MED26: variants seen among roughly 807,000 people sequenced by gnomAD.
MED26 encodes mediator of RNA polymerase II transcription subunit 26.
In MED26, 7 loss-of-function variants were observed where a neutral mutation model predicts 43.7. The observed-to-expected ratio is 0.16, with a 90% CI of 0.09 to 0.30. The LOEUF is 0.30. Among genes scored for constraint, MED26 ranks in the 10% least tolerant of loss-of-function variants. The probability of loss-of-function intolerance (pLI) is 1.00; values close to 1 mark genes in which losing one functional copy is unlikely to be tolerated. For missense variants in MED26, 784 were observed against 840.6 expected, an observed-to-expected ratio of 0.93 and a Z score of 0.83; for synonymous variants, 375 against 371.1, an observed-to-expected ratio of 1.01 and a Z score of -0.12.
At chr19:16,578,116 G>A (rs1048969081) in intron 2 of MED26, 6 of 579,680 alleles carry the variant, frequency 1.0e-5, no homozygotes, top group Admixed American at 3.3e-5. Context: ...ACGTGCCCAC[G>A]AAGTGTGCTG....
At chr19:16,584,731 T>C (rs902800334) in intron 1 of MED26, among the ~76,000 whole-genome samples, 1 of 152,144 alleles carries the variant, frequency 6.6e-6, no homozygotes, top group African/African-American at 2.4e-5. Context: ...CTAGGGTGAG[T>C]GACAGGAGGG....
At chr19:16,620,803 C>A (rs2086248301) in intron 1 of MED26, among the ~76,000 whole-genome samples, 1 of 152,184 alleles carries the variant, frequency 6.6e-6, no homozygotes, top group Non-Finnish European at 1.5e-5. Context: ...CTCAGAGTTA[C>A]ACTGATGCTG....
At chr19:16,593,959 A>G (rs529779482) in intron 1 of MED26, among the ~76,000 whole-genome samples, 64 of 152,342 alleles carry the variant, frequency 4.2e-4, no homozygotes, top group African/African-American at 1.5e-3. Context: ...GGAAGTTACT[A>G]TGACCACACA....
At chr19:16,592,615 G>A (rs2086103046) in intron 1 of MED26, among the ~76,000 whole-genome samples, 1 of 152,214 alleles carries the variant, frequency 6.6e-6, no homozygotes, top group African/African-American at 2.4e-5. Flanking sequence ...GACATGTGGA[G>A]CCTGTCACCA....
chr19:16,583,990 AG>A (rs2086058495), intron 1 of MED26, among the ~76,000 whole-genome samples: 1 of 152,172 alleles, frequency 6.6e-6, no homozygotes, highest in Non-Finnish European at 1.5e-5. Flanking sequence ...GGGATGCCCC[AG>A]GAACACACGC....
chr19:16,604,221 C>T (rs1450368760), intron 1 of MED26, among the ~76,000 whole-genome samples: 4 of 152,186 alleles, frequency 2.6e-5, no homozygotes, highest in African/African-American at 9.6e-5. Context: ...AGAGTGATTG[C>T]CCTGTGTGCC....
intron 1 of MED26, among the ~76,000 whole-genome samples, chr19:16,591,831 A>G (rs1186566582): frequency 6.6e-6 from 1 of 152,176 alleles, no homozygotes; most frequent in Non-Finnish European, 1.5e-5. Flanking sequence ...GTTTTCTCCT[A>G]TGGGAATTAA....
At chr19:16,627,782 C>T in intron 1 of MED26, 90 bp downstream of exon 1, 1 of 940,682 alleles carries the variant, frequency 1.1e-6, no homozygotes, top group Non-Finnish European at 1.4e-6. Context: ...CAGACGGGTC[C>T]CCCGAAGCCC....
intron 1 of MED26, among the ~76,000 whole-genome samples, chr19:16,581,404 C>T (rs1002983527): frequency 6.6e-6 from 1 of 152,170 alleles, no homozygotes; most frequent in South Asian, 2.1e-4. Flanking sequence ...CACTCCCTGC[C>T]CCAGGCACTC....
chr19:16,597,514 G>C, intron 1 of MED26: 2 of 398,518 alleles, frequency 5.0e-6, no homozygotes, highest in Non-Finnish European at 8.8e-6. Context: ...ATCATGCCTG[G>C]GTGAGCATCA....
rs1370077830 is a variant in MED26 at position 16,586,575 on chromosome 19, C to T, written c.73-8166G>A. 6.6e-6 allele frequency among the ~76,000 whole-genome samples: 1 copy of T among 152,278 alleles called. No individual in the cohort carries two copies. The highest frequency in any genetic ancestry group is 1.5e-5 in the Non-Finnish European group (1 of 68,044). On this transcript the variant is annotated intron_variant, in intron 1 of 2. Transcript: ENST00000263390. The surrounding 1 kb of genome is among the most constrained non-coding windows in gnomAD (Gnocchi z 5.1). ...TTGTCTATGCCTTGTCCCCAGGATG[C>T]CTGAGAGGCAGGACCAGGGTGACCC...
chr19:16,576,843 G>A lies in MED26; in HGVS notation c.987C>T (p.Leu329=), dbSNP rs1186628555. 1 of 1,610,170 alleles carries A rather than the reference G, an allele frequency of 6.2e-7. No individual in the cohort carries two copies. The highest frequency in any genetic ancestry group is 1.1e-5 in the South Asian group (1 of 90,876). The stretch of plus-strand genomic sequence containing the variant: ...GGCTTTCCGCACTGGGCAGCAGCTC[G>A]AGCCGCCGTACGGGGGGTGTGGACG... The part of the protein sequence containing the change: ...AQPSTPPVRR[L]ELLPSAESPV... The change falls in exon 3 of 3, where the codon CTC becomes CTT. Residue 329 remains leucine (L), a synonymous_variant. Coordinates refer to ENST00000263390, the MANE Select transcript of MED26 (RefSeq NM_004831.5). The surrounding 1 kb of genome is among the most constrained non-coding windows in gnomAD (Gnocchi z 6.8).
Position 16,628,109 on chromosome 19 carries a change from G to A in MED26, c.-166C>T. 2.6e-6 allele frequency: 1 copy of A among 384,574 alleles called. No homozygotes were observed. Among genetic ancestry groups the A allele is most frequent in the Non-Finnish European group, 4.6e-6 (1 of 219,316 alleles). 23.8% of individuals were successfully genotyped at this position (384,574 alleles called of 1,614,324 possible). On this transcript the variant is annotated 5_prime_UTR_variant, in exon 1 of 3. Transcript: ENST00000263390. ...TGGCGGAGAGGGGAGCCGGGGCCGG[G>A]TCTCGGTCCCGGGCCGCCGCCGCCA...
At chr19:16,618,341 G>C (rs573475404) in intron 1 of MED26, among the ~76,000 whole-genome samples, 2 of 152,138 alleles carry the variant, frequency 1.3e-5, no homozygotes, top group Admixed American at 6.5e-5. Flanking sequence ...CACCAGGAGA[G>C]ACTGTCAAGA....
chr19:16,584,405 C>CA (rs1429191999), intron 1 of MED26, among the ~76,000 whole-genome samples: 1 of 152,066 alleles, frequency 6.6e-6, no homozygotes, highest in Non-Finnish European at 1.5e-5. Context: ...TGCTAAGCCA[C>CA]AATTCCAGCC....
rs777849156 is a variant in MED26, at chr19:16,576,938, G to A, written c.892C>T (p.Pro298Ser). 13 of 1,595,828 alleles carry A rather than the reference G, an allele frequency of 8.1e-6. No individual in the cohort carries two copies. Among genetic ancestry groups the A allele is most frequent in the Non-Finnish European group, 1.0e-5 (12 of 1,169,524 alleles). ...GCCTGGGGCCGCGGTGAGGGGCTGG[G>A]CACGGAGCCCTTGGGTGCATACAAG... ...QSLYAPKGSV[P>S]SPSPRPQALD... Residue 298 changes from proline to serine, a missense_variant, in exon 3 of 3, where the codon CCC becomes TCC. By Grantham distance (74) the Pro-to-Ser change is moderately conservative (BLOSUM62 -1). Coordinates refer to ENST00000263390, the MANE Select transcript of MED26 (RefSeq NM_004831.5). The surrounding 1 kb of genome is among the most constrained non-coding windows in gnomAD (Gnocchi z 6.8).
chr19:16,582,360 C>CAAAG (rs1282914208), intron 1 of MED26, among the ~76,000 whole-genome samples: 1 of 152,182 alleles, frequency 6.6e-6, no homozygotes, highest in Non-Finnish European at 1.5e-5. Flanking sequence ...GGAATCCCTG[C>CAAAG]AAAGGGCCTG....
intron 1 of MED26, among the ~76,000 whole-genome samples, chr19:16,609,215 A>G (rs60338518): frequency 0.1 from 15,111 of 149,610 alleles, 890 homozygotes; most frequent in African/African-American, 0.15. Flanking sequence ...CTTAGGGGGC[A>G]GCATGAGAAT....
At chr19:16,627,381 C>T (rs2086284156) in intron 1 of MED26, among the ~76,000 whole-genome samples, 1 of 152,206 alleles carries the variant, frequency 6.6e-6, no homozygotes, top group Admixed American at 6.5e-5. Context: ...AAGGTGCTGC[C>T]AGCCGAGAGG....
Sources: gnomAD v4.1 joint callset for allele counts (sites outside exome capture counted in the v4.1 genomes callset) on GRCh38, gnomAD v4.1.1 for gene constraint, Gnocchi (gnomAD v3.1) non-coding constraint, MANE v1.5 for transcripts, NCBI Gene and HGNC (gene_info 2026-07-23, HGNC 2026-07-21) for gene names.